DAB1: variants seen among roughly 807,000 people sequenced by gnomAD.
DAB1 encodes disabled homolog 1.
A neutral mutation model predicts 64.6 loss-of-function variants in DAB1; 15 were observed. The ratio of observed to expected loss-of-function variants is 0.23; its 90% CI spans 0.16 to 0.36. The LOEUF (loss-of-function observed/expected upper bound fraction) is 0.36, where lower values mean the gene tolerates loss of function less well. DAB1 is among the 10% of genes least tolerant of loss of function. The pLI, the probability that DAB1 is intolerant of heterozygous loss-of-function variation, is 1.00. For missense variants in DAB1, 596 were observed against 706.7 expected (o/e 0.84, Z 1.78); for synonymous variants, 235 against 251.9 (o/e 0.93, Z 0.64).
chr1:58,308,950 TA>T (rs1264934380), intron 4 of DAB1, among the ~76,000 whole-genome samples: 1 of 152,176 alleles, frequency 6.6e-6, no homozygotes, highest in Non-Finnish European at 1.5e-5. Flanking sequence ...ATTGATCACC[TA>T]AATTGTGCGC....
At chr1:57,553,447 A>AGAAAGAAAG (rs1644945071) in intron 7 of DAB1, among the ~76,000 whole-genome samples, 1 of 118,650 alleles carries the variant, frequency 8.4e-6, no homozygotes, top group Non-Finnish European at 1.8e-5. Flanking sequence ...AGAAAGAGAA[A>AGAAAGAAAG]GAAAGAAAGA....
chr1:58,539,062 CT>C, intron 1 of DAB1: 1 of 872,936 alleles, frequency 1.1e-6, no homozygotes, highest in Non-Finnish European at 2.0e-6. Context: ...GCCTCCTGTT[CT>C]TTTGTTGTTA....
chr1:57,807,144 C>T (rs1357195631), intron 6 of DAB1, among the ~76,000 whole-genome samples: 1 of 152,208 alleles, frequency 6.6e-6, no homozygotes, highest in Admixed American at 6.5e-5. Context: ...GTCCATTCTC[C>T]ATGTTTACAC....
chr1:57,719,550 T>G (rs918444238), intron 6 of DAB1, among the ~76,000 whole-genome samples: 3 of 152,110 alleles, frequency 2.0e-5, no homozygotes, highest in Non-Finnish European at 4.4e-5. Context: ...ACGGGGGCAG[T>G]TTCCTTCATG....
chr1:58,473,746 A>T (rs1039801832), intron 3 of DAB1: 5 of 481,538 alleles, frequency 1.0e-5, no homozygotes, highest in Non-Finnish European at 1.8e-5. Flanking sequence ...ACTTGATCTT[A>T]CCAAGCCCTA....
intron 5 of DAB1, among the ~76,000 whole-genome samples, chr1:58,133,757 T>G (rs1404053940): frequency 6.6e-6 from 1 of 152,188 alleles, no homozygotes; most frequent in Non-Finnish European, 1.5e-5. Flanking sequence ...TTCCAAGTGT[T>G]CTTTGATCAT....
At chr1:57,467,376 T>C (rs1330159765) in intron 7 of DAB1, among the ~76,000 whole-genome samples, 1 of 152,192 alleles carries the variant, frequency 6.6e-6, no homozygotes, top group Non-Finnish European at 1.5e-5. Context: ...ACCTTACTAC[T>C]CAACTGAGGT....
chr1:58,049,329 C>T (rs974090778), intron 5 of DAB1: 50 of 643,760 alleles, frequency 7.8e-5, no homozygotes, highest in East Asian at 2.9e-4. Flanking sequence ...GATGCTTCTT[C>T]GGCGGCATCC....
chr1:57,847,484 C>T (rs72666114), intron 1 of DAB1, among the ~76,000 whole-genome samples: 10,643 of 152,064 alleles, frequency 0.07, 608 homozygotes, highest in Admixed American at 0.21. Flanking sequence ...AAAAGCAAAA[C>T]TCAACCATAT....
chr1:57,125,863 C>T lies in DAB1; in HGVS notation c.306+10680G>A, dbSNP rs560142782. ...ATGGTAGTTTAGAGTTCAGATGCCA[C>T]CCACAGCAATCAAAGGCTTATAGGC... On this transcript the variant is annotated intron_variant, in intron 4 of 14. Transcript: ENST00000371236. 2.6e-5 allele frequency among the ~76,000 whole-genome samples: 4 copies of T among 152,224 alleles called. No individual in the cohort carries two copies. In the South Asian group the frequency reaches 8.3e-4, roughly 32 times the overall value.
intron 4 of DAB1, among the ~76,000 whole-genome samples, chr1:57,133,115 T>C (rs1657777920): frequency 6.6e-6 from 1 of 152,146 alleles, no homozygotes; most frequent in Non-Finnish European, 1.5e-5. Context: ...TTGGTGTGTC[T>C]AATAGCTCTA....
In DAB1 at chr1:57,846,180, C is replaced by T. The variant is rs553296172; in HGVS notation, n.88-19725G>A. 8.5e-5 allele frequency among the ~76,000 whole-genome samples: 13 copies of T among 152,076 alleles called. No homozygotes were observed. The South Asian group carries it at 2.7e-3, about 32-fold the overall frequency. ...TTTTTTAATTAAAAATTCAATGTGG[C>T]CAGGCATGGTGGCTCAAGCCTGTAA... On this transcript the variant is annotated intron_variant and non_coding_transcript_variant, in intron 1 of 1. Transcript: ENST00000477280.
intron 7 of DAB1, among the ~76,000 whole-genome samples, chr1:57,583,082 T>C (rs1469845615): frequency 1.3e-5 from 2 of 152,192 alleles, no homozygotes; most frequent in African/African-American, 4.8e-5. Flanking sequence ...ACTGAAATTA[T>C]TGAACTGCTG....
At chr1:58,026,763 A>T (rs10889078) in intron 5 of DAB1, among the ~76,000 whole-genome samples, 62,559 of 152,034 alleles carry the variant, frequency 0.41, 13,126 homozygotes, top group Non-Finnish European at 0.45. Context: ...CCCTTAAGGA[A>T]TATAGATCCA....
intron 3 of DAB1, among the ~76,000 whole-genome samples, chr1:58,380,137 T>C (rs888879073): frequency 1.3e-5 from 2 of 152,332 alleles, no homozygotes; most frequent in South Asian, 2.1e-4. Context: ...GCTCCTGATA[T>C]GGTTTGGCTC....
chr1:57,380,613 C>T (rs766115339), intron 1 of DAB1, among the ~76,000 whole-genome samples: 5 of 152,100 alleles, frequency 3.3e-5, no homozygotes, highest in Non-Finnish European at 5.9e-5. Context: ...ATATTGCATG[C>T]CAACAATGGG....
rs1644075769 is a variant in DAB1, at chr1:57,877,810, C to T, written n.87+6189G>A. On this transcript the variant is annotated intron_variant and non_coding_transcript_variant, in intron 1 of 1. Transcript: ENST00000477280. ...CGATCTCCTGACCTCATGATCCACCCGCCTCGGCCTCCCAAAGTGCTGGGA... is the reference window on the plus strand; with the variant it reads ...CGATCTCCTGACCTCATGATCCACCTGCCTCGGCCTCCCAAAGTGCTGGGA... 8.7e-5 allele frequency among the ~76,000 whole-genome samples: 2 copies of T among 22,986 alleles called. 1 individual carries two copies. Among genetic ancestry groups the T allele is most frequent in the African/African-American group, 4.7e-4 (2 of 4,284 alleles). 15.1% of individuals were successfully genotyped at this position (22,986 alleles called of 152,430 possible).
chr1:57,337,194 T>TGA (rs1405414110), intron 1 of DAB1, among the ~76,000 whole-genome samples: 32 of 152,372 alleles, frequency 2.1e-4, no homozygotes, highest in Admixed American at 8.5e-4. Flanking sequence ...AACAGCTTTC[T>TGA]GGCTGCAGTC....
chr1:57,562,459 A>G (rs2101508957), intron 7 of DAB1, among the ~76,000 whole-genome samples: 1 of 152,388 alleles, frequency 6.6e-6, no homozygotes, highest in South Asian at 2.1e-4. Flanking sequence ...GTTCCCCATC[A>G]TCTCAAAGCA....
Sources: allele counts gnomAD v4.1 joint callset (sites outside exome capture counted in the v4.1 genomes callset), GRCh38; gene constraint gnomAD v4.1.1; transcripts MANE v1.5; gene names NCBI Gene and HGNC (gene_info 2026-07-23, HGNC 2026-07-21).